The following ITGA8 variants were observed in gnomAD, a reference collection of about 807,000 sequenced individuals.
ITGA8 encodes the protein integrin alpha-8.
Under a neutral mutation model 142.3 loss-of-function variants are expected in ITGA8, and 91 were observed. The ratio of observed to expected loss-of-function variants is 0.64; its 90% CI spans 0.54 to 0.76. The LOEUF (loss-of-function observed/expected upper bound fraction) is 0.76. Ranked by LOEUF, ITGA8 falls within the 30% of genes least tolerant of loss-of-function variation. The probability of loss-of-function intolerance (pLI) is 0.00; values close to 1 mark genes in which losing one functional copy is unlikely to be tolerated. For missense variants in ITGA8, 1,406 were observed against 1,327.7 expected (o/e 1.06, Z -0.92); for synonymous variants, 505 against 485.2 (o/e 1.04, Z -0.54).
chr10:15,525,378 C>T lies in ITGA8; in HGVS notation c.2982+5672G>A, dbSNP rs553308951. On this transcript the variant is annotated intron_variant, in intron 28 of 29. Coordinates refer to ENST00000378076, the MANE Select transcript of ITGA8 (RefSeq NM_003638.3). ...GAATAAAGGGCCAGGCACGGTGGCTCACATCTGTAATCCCAGCACTTTGGG... is the reference window on the plus strand; with the variant it reads ...GAATAAAGGGCCAGGCACGGTGGCTTACATCTGTAATCCCAGCACTTTGGG... Among the ~76,000 whole-genome samples the T allele has an allele frequency of 3.9e-5, 6 of 152,064 alleles. No individual in the cohort carries two copies. In the East Asian group the frequency reaches 1.2e-3, roughly 29 times the overall value.
At chr10:15,679,110 G>T (rs188816340) in intron 4 of ITGA8, among the ~76,000 whole-genome samples, 1 of 152,048 alleles carries the variant, frequency 6.6e-6, no homozygotes, top group African/African-American at 2.4e-5. Flanking sequence ...TTCCCATGAG[G>T]CAATAACGTG....
intron 28 of ITGA8, among the ~76,000 whole-genome samples, chr10:15,521,068 G>C (rs1347627747): frequency 6.6e-6 from 1 of 152,226 alleles, no homozygotes; most frequent in Non-Finnish European, 1.5e-5. Flanking sequence ...GCCCAGGCTA[G>C]AGTGCAATGG....
At chr10:15,612,180 A>G (rs185584648) in intron 15 of ITGA8, among the ~76,000 whole-genome samples, 51 of 152,308 alleles carry the variant, frequency 3.3e-4, no homozygotes, top group African/African-American at 1.2e-3. Context: ...GAGCAGTTAA[A>G]GAAGAGGATG....
At chr10:15,690,790 G>C (rs2131711859) in intron 2 of ITGA8, among the ~76,000 whole-genome samples, 1 of 152,200 alleles carries the variant, frequency 6.6e-6, no homozygotes, top group South Asian at 2.1e-4. Context: ...AATCACAGCT[G>C]AAGAAGCTTC....
At chr10:15,713,427 C>A (rs185196236) in intron 2 of ITGA8, among the ~76,000 whole-genome samples, 17 of 152,284 alleles carry the variant, frequency 1.1e-4, no homozygotes, top group Admixed American at 1.0e-3. Context: ...CGTCTTCCCC[C>A]ACCTTTGTAA....
At chr10:15,539,751 TGG>T (rs1833531186) in intron 27 of ITGA8, among the ~76,000 whole-genome samples, 6 of 152,290 alleles carry the variant, frequency 3.9e-5, no homozygotes, top group Admixed American at 3.9e-4. Flanking sequence ...TCAGGGCAAT[TGG>T]GGTATCTGTC....
chr10:15,702,012 C>T (rs1835173236), intron 2 of ITGA8, among the ~76,000 whole-genome samples: 1 of 152,084 alleles, frequency 6.6e-6, no homozygotes, highest in Non-Finnish European at 1.5e-5. Context: ...AGAAACAAAT[C>T]CAAGAAAAGG....
intron 27 of ITGA8, among the ~76,000 whole-genome samples, chr10:15,535,382 C>T (rs894453518): frequency 1.3e-5 from 2 of 152,220 alleles, no homozygotes; most frequent in Admixed American, 6.5e-5. Context: ...ATCCACTAGG[C>T]GAAGCCAGCT....
rs887331805 is a variant in ITGA8 at position 15,629,153 on chromosome 10, T to C, written c.1400-12594A>G. The stretch of plus-strand genomic sequence containing the variant: ...GCCCAGTGAGAAAGGAAATTAAATC[T>C]TGGGACCCCAAACTCATTAAGCCAA... On this transcript the variant is annotated intron_variant, in intron 13 of 29. Coordinates refer to ENST00000378076, the MANE Select transcript of ITGA8 (RefSeq NM_003638.3). 2.5e-4 allele frequency among the ~76,000 whole-genome samples: 38 copies of C among 151,934 alleles called. 1 individual carries two copies. The highest frequency in any genetic ancestry group is 9.2e-4 in the African/African-American group (38 of 41,234).
chr10:15,575,964 A>AGTGTGTGT (rs761559396), intron 23 of ITGA8, among the ~76,000 whole-genome samples: 3 of 142,442 alleles, frequency 2.1e-5, no homozygotes, highest in African/African-American at 7.6e-5. Context: ...TGTGTGTGTG[A>AGTGTGTGT]GTGTGTGTGT....
intron 6 of ITGA8, among the ~76,000 whole-genome samples, chr10:15,674,938 C>CAAA (rs35978679): frequency 2.0e-5 from 3 of 148,790 alleles, no homozygotes; most frequent in African/African-American, 5.0e-5. Context: ...AGACTCGTCT[C>CAAA]AAAAAAAAAA....
chr10:15,705,395 A>G (rs570869396), intron 2 of ITGA8, among the ~76,000 whole-genome samples: 1 of 152,314 alleles, frequency 6.6e-6, no homozygotes, highest in African/African-American at 2.4e-5. Context: ...CCAATCCAGC[A>G]GCTCATCCTC....
chr10:15,664,631 G>A (rs1293749327), intron 8 of ITGA8, among the ~76,000 whole-genome samples: 12 of 150,014 alleles, frequency 8.0e-5, no homozygotes, highest in Admixed American at 2.7e-4. Context: ...TCGTCATTTA[G>A]CATTAGGTAT....
intron 15 of ITGA8, among the ~76,000 whole-genome samples, chr10:15,612,006 A>G (rs941734873): frequency 6.6e-6 from 1 of 152,208 alleles, no homozygotes; most frequent in Non-Finnish European, 1.5e-5. Flanking sequence ...TGAAGTTTTA[A>G]TACTCATGAA....
At chr10:15,649,355 T>A (rs1006303535) in intron 11 of ITGA8, among the ~76,000 whole-genome samples, 1 of 151,778 alleles carries the variant, frequency 6.6e-6, no homozygotes, top group Non-Finnish European at 1.5e-5. Flanking sequence ...GCAAGGCCAG[T>A]CACAGTGGCT....
chr10:15,671,921 A>G (rs937931358), intron 7 of ITGA8, among the ~76,000 whole-genome samples: 2 of 151,318 alleles, frequency 1.3e-5, no homozygotes, highest in African/African-American at 2.4e-5. Context: ...TCTGAGGTCA[A>G]TTTTAAAAGC....
At chr10:15,708,445 C>T (rs370629924) in intron 2 of ITGA8, among the ~76,000 whole-genome samples, 6 of 152,080 alleles carry the variant, frequency 3.9e-5, no homozygotes, top group South Asian at 2.1e-4. Context: ...TTGGTATAAA[C>T]GTCTCACTCA....
chr10:15,599,737 A>C (rs1030347319), intron 20 of ITGA8, among the ~76,000 whole-genome samples: 1 of 152,088 alleles, frequency 6.6e-6, no homozygotes, highest in African/African-American at 2.4e-5. Flanking sequence ...TCTGGCCAAC[A>C]TGGTGAAACC....
chr10:15,557,553 A>G (rs9333215), intron 26 of ITGA8, among the ~76,000 whole-genome samples: 6,307 of 152,190 alleles, frequency 0.041, 277 homozygotes, highest in African/African-American at 0.11. Flanking sequence ...GGGTCTTGCT[A>G]TGTTGCCCAG....
Sources: gnomAD v4.1 joint callset for allele counts (sites outside exome capture counted in the v4.1 genomes callset) on GRCh38, gnomAD v4.1.1 for gene constraint, MANE v1.5 for transcripts, NCBI Gene and HGNC (gene_info 2026-07-23, HGNC 2026-07-21) for gene names.